MAML3: variants seen among roughly 807,000 people sequenced by gnomAD.
MAML3 encodes the protein mastermind-like protein 3.
Under a neutral mutation model 101.9 loss-of-function variants are expected in MAML3, and 27 were observed. The ratio of observed to expected loss-of-function variants is 0.27; its 90% confidence interval spans 0.20 to 0.37. The LOEUF (loss-of-function observed/expected upper bound fraction) is 0.37, where lower values mean the gene tolerates loss of function less well. MAML3 is among the 10% of genes least tolerant of loss of function. The pLI is 1.00. For missense variants in MAML3, 1,316 were observed against 1,444.9 expected (o/e 0.91, Z 1.45); for synonymous variants, 501 against 555.9 (o/e 0.90, Z 1.39).
At chr4:139,864,684 A>G (rs1248347025) in intron 2 of MAML3, among the ~76,000 whole-genome samples, 1 of 148,160 alleles carries the variant, frequency 6.7e-6, no homozygotes, top group South Asian at 2.1e-4. Flanking sequence ...CAAAAAAAAA[A>G]AAAAAAAAAA....
intron 1 of MAML3, among the ~76,000 whole-genome samples, chr4:140,102,119 T>C (rs547993658): frequency 6.6e-6 from 1 of 152,310 alleles, no homozygotes; most frequent in South Asian, 2.1e-4. Context: ...GCTGAGTTAT[T>C]AGAAAATGGA....
At chr4:139,952,207 T>C (rs1444165630) in intron 1 of MAML3, among the ~76,000 whole-genome samples, 6 of 152,162 alleles carry the variant, frequency 3.9e-5, no homozygotes, top group African/African-American at 1.4e-4. Context: ...ATAATATCAC[T>C]ATAATGCTTT....
intron 2 of MAML3, among the ~76,000 whole-genome samples, chr4:139,791,706 T>C (rs892281161): frequency 2.0e-5 from 3 of 152,184 alleles, no homozygotes; most frequent in South Asian, 2.1e-4. Flanking sequence ...TCCTGAAAGT[T>C]AACCACTGAG....
intron 1 of MAML3, among the ~76,000 whole-genome samples, chr4:140,028,702 A>T (rs2276909): frequency 0.83 from 125,754 of 152,138 alleles, 52,991 homozygotes; most frequent in Non-Finnish European, 0.91. Flanking sequence ...AATAGCTCAG[A>T]CATTTGAGCA....
At chr4:139,894,573 C>T (rs1732570056) in intron 1 of MAML3, among the ~76,000 whole-genome samples, 1 of 146,498 alleles carries the variant, frequency 6.8e-6, no homozygotes, top group Non-Finnish European at 1.5e-5. Context: ...GAAAAGTAAA[C>T]AGAGTAGAAA....
intron 2 of MAML3, among the ~76,000 whole-genome samples, chr4:139,826,386 C>T (rs1731061238): frequency 6.6e-6 from 1 of 152,038 alleles, no homozygotes; most frequent in African/African-American, 2.4e-5. Flanking sequence ...TTCTTATTAA[C>T]TTGGGGATTA....
At chr4:140,076,461 T>C (rs1727767837) in intron 1 of MAML3, among the ~76,000 whole-genome samples, 1 of 152,118 alleles carries the variant, frequency 6.6e-6, no homozygotes, top group African/African-American at 2.4e-5. Context: ...GAGACTTTTG[T>C]GGTTGAAATG....
chr4:139,836,279 G>T (rs1288159870), intron 2 of MAML3, among the ~76,000 whole-genome samples: 1 of 152,170 alleles, frequency 6.6e-6, no homozygotes, highest in Admixed American at 6.5e-5. Flanking sequence ...CTACATTTCA[G>T]CTCCTCAATC....
intron 2 of MAML3, among the ~76,000 whole-genome samples, chr4:139,764,288 C>A (rs1188460619): frequency 6.6e-6 from 1 of 152,218 alleles, no homozygotes; most frequent in Non-Finnish European, 1.5e-5. Context: ...ACTCCCTTAT[C>A]AGCAACTCCA....
At chr4:140,110,099 G>A (rs1480263820) in intron 1 of MAML3, among the ~76,000 whole-genome samples, 1 of 152,206 alleles carries the variant, frequency 6.6e-6, no homozygotes, top group Non-Finnish European at 1.5e-5. Context: ...TCCCTTTGCA[G>A]CCAACGAATG....
At chr4:140,037,858 C>G (rs953086285) in intron 1 of MAML3, among the ~76,000 whole-genome samples, 4 of 152,212 alleles carry the variant, frequency 2.6e-5, no homozygotes, top group African/African-American at 9.7e-5. Flanking sequence ...GGCCCTTTGT[C>G]TCGAGCTACA....
intron 1 of MAML3, among the ~76,000 whole-genome samples, chr4:140,143,519 T>C (rs1269118813): frequency 6.6e-6 from 1 of 152,176 alleles, no homozygotes; most frequent in Non-Finnish European, 1.5e-5. Flanking sequence ...TCCTAGCACT[T>C]TGGAAGGCCA....
intron 1 of MAML3, among the ~76,000 whole-genome samples, chr4:140,072,326 T>C (rs1387808042): frequency 1.3e-5 from 2 of 152,176 alleles, no homozygotes; most frequent in Non-Finnish European, 2.9e-5. Flanking sequence ...GTAACAACCA[T>C]TCACATAGCA....
At chr4:139,939,067 G>A (rs915626630) in intron 1 of MAML3, among the ~76,000 whole-genome samples, 1 of 151,950 alleles carries the variant, frequency 6.6e-6, no homozygotes, top group African/African-American at 2.4e-5. Flanking sequence ...CTTTCCTTTC[G>A]GGAACACATG....
At chr4:139,799,867 G>A (rs1485219188) in intron 2 of MAML3, among the ~76,000 whole-genome samples, 6 of 152,106 alleles carry the variant, frequency 3.9e-5, no homozygotes, top group African/African-American at 1.4e-4. Flanking sequence ...AGTAAACCCT[G>A]TGACTCCTAT....
intron 2 of MAML3, among the ~76,000 whole-genome samples, chr4:139,865,603 C>A (rs1731883955): frequency 6.6e-6 from 1 of 151,388 alleles, no homozygotes; most frequent in African/African-American, 2.4e-5. Context: ...TCATCAGCCT[C>A]TTTTTCCTCT....
At chr4:139,736,674 C>G (rs947209678) in intron 2 of MAML3, among the ~76,000 whole-genome samples, 1 of 152,128 alleles carries the variant, frequency 6.6e-6, no homozygotes, top group African/African-American at 2.4e-5. Flanking sequence ...AAGTGTGGTT[C>G]CAGGATCAAA....
chr4:139,868,420 A>G (rs981087431), intron 2 of MAML3, among the ~76,000 whole-genome samples: 3 of 152,208 alleles, frequency 2.0e-5, no homozygotes, highest in African/African-American at 7.2e-5. Context: ...TTAAAATGTG[A>G]AAGTGCTGTT....
At chr4:140,100,837 T>C (rs971811994) in intron 1 of MAML3, among the ~76,000 whole-genome samples, 2 of 152,116 alleles carry the variant, frequency 1.3e-5, no homozygotes, top group African/African-American at 4.8e-5. Context: ...GGGAGTGATT[T>C]TGAATATGGG....
Sources: gnomAD v4.1 joint callset for allele counts (sites outside exome capture counted in the v4.1 genomes callset) on GRCh38, gnomAD v4.1.1 for gene constraint, MANE v1.5 for transcripts, NCBI Gene and HGNC (gene_info 2026-07-23, HGNC 2026-07-21) for gene names.